FOXP4: variants seen among roughly 807,000 people sequenced by gnomAD.
FOXP4 encodes forkhead box protein P4.
FOXP4 carries 25 observed loss-of-function variants against 82.6 expected under a neutral mutation model. The observed-to-expected ratio is 0.30, with a 90% CI of 0.22 to 0.42. FOXP4 has a LOEUF of 0.42. Ranked by LOEUF, FOXP4 falls within the 10% of genes least tolerant of loss-of-function variation. FOXP4 has a pLI of 1.00. For missense variants in FOXP4, 785 were observed against 900.9 expected, an observed-to-expected ratio of 0.87 and a Z score of 1.65; for synonymous variants, 415 against 388.2, an observed-to-expected ratio of 1.07 and a Z score of -0.81.
Position 41,578,053 on chromosome 6 carries a change from A to G in FOXP4, c.272A>G (p.Asp91Gly). 6.2e-7 allele frequency: 1 copy of G among 1,613,642 alleles called. No individual in the cohort carries two copies. Among genetic ancestry groups the G allele is most frequent in the East Asian group, 2.2e-5 (1 of 44,862 alleles). Reference sequence around the variant, plus strand: ...GGCCTGAGCTCCCCAGGGAACAATGACAGCAAACAGTCTGCCTCTGCTGTG... The same window carrying G: ...GGCCTGAGCTCCCCAGGGAACAATGGCAGCAAACAGTCTGCCTCTGCTGTG... ...ASGLSSPGNN[D>G]SKQSASAVQV... Residue 91 changes from aspartate (D) to glycine (G), a missense_variant, in exon 3 of 17, where the codon GAC (aspartate) becomes GGC (glycine). Asp to Gly is a moderately conservative substitution (Grantham distance 94, BLOSUM62 -1). This residue lies in a region of FOXP4 where 570 missense variants were observed against 634.0 expected (regional missense o/e 0.90). Coordinates refer to ENST00000307972, the MANE Select transcript of FOXP4 (RefSeq NM_001012426.2).
Position 41,587,444 on chromosome 6 carries a change from C to G in FOXP4, c.804C>G (p.Val268=), listed in dbSNP as rs1485399481. The G allele has an allele frequency of 6.4e-7, 1 of 1,560,486 alleles. No homozygotes were observed. Among genetic ancestry groups the G allele is most frequent in the Middle Eastern group, 1.7e-4 (1 of 5,770 alleles). ...CCTCGTTTGCCGCTCCCCCCAAGGT[C>G]TCACCCCCCCTCTCCCACCATACCC... ...TATSFAAPPK[V]SPPLSHHTLP... Residue 268 remains valine, a synonymous_variant, in exon 7 of 17, where the codon GTC becomes GTG. Transcript: ENST00000307972.
At chr6:41,554,435 C>T (rs1355164029) in intron 1 of FOXP4, among the ~76,000 whole-genome samples, 1 of 152,230 alleles carries the variant, frequency 6.6e-6, no homozygotes, top group Non-Finnish European at 1.5e-5. Flanking sequence ...CTCCTCGTGC[C>T]CTCCTCACCT....
intron 6 of FOXP4, 26 bp from the exon 7 acceptor site, chr6:41,587,273 G>A: frequency 1.2e-6 from 2 of 1,610,428 alleles, no homozygotes; most frequent in South Asian, 1.1e-5. Context: ...GTGGGGCCCT[G>A]CCAGCCTCCC....
Position 41,593,821 on chromosome 6 carries a change from AGAGG to A in FOXP4, c.1537-1045_1537-1042del, listed in dbSNP as rs1467475248. Among the ~76,000 whole-genome samples the A allele has an allele frequency of 6.6e-6, 1 of 152,212 alleles. No individual in the cohort carries two copies. The highest frequency in any genetic ancestry group is 1.9e-4 in the East Asian group (1 of 5,192). On this transcript the variant is annotated intron_variant, in intron 13 of 16. Coordinates refer to ENST00000307972, the MANE Select transcript of FOXP4 (RefSeq NM_001012426.2). This position sits in a 1 kb window ranked among gnomAD's most constrained non-coding sequence, Gnocchi z 4.1. ...GCAAGTGGCAAGAGTTGGAAGGGAG[AGAGG>A]GAGAGGGATCTCCAGGGGCACGGGC...
intron 1 of FOXP4, among the ~76,000 whole-genome samples, chr6:41,553,844 C>T (rs1373571182): frequency 6.6e-6 from 1 of 152,202 alleles, no homozygotes; most frequent in Non-Finnish European, 1.5e-5. Context: ...GGGCAGAGGG[C>T]ATAGGTGTGT....
rs570195886 is a variant in FOXP4 at position 41,578,067 on chromosome 6, G to A, written c.286G>A (p.Ala96Thr). 41 of 1,613,468 alleles carry A rather than the reference G, an allele frequency of 2.5e-5. No homozygotes were observed. In the South Asian group the frequency reaches 4.1e-4, roughly 16 times the overall value. Residue 96 changes from alanine to threonine, a missense_variant, in exon 3 of 17, where the codon GCC (alanine) becomes ACC (threonine). Physicochemically the swap from Ala to Thr is moderately conservative, Grantham distance 58. Around this residue, in one of 3 missense-constraint regions of FOXP4, gnomAD observed 570 missense variants for 634.0 expected, o/e 0.90. Coordinates refer to ENST00000307972, the MANE Select transcript of FOXP4 (RefSeq NM_001012426.2). Reference sequence around the variant, plus strand: ...AGGGAACAATGACAGCAAACAGTCTGCCTCTGCTGTGCAGGTGAGGAAGAG... The same window carrying A: ...AGGGAACAATGACAGCAAACAGTCTACCTCTGCTGTGCAGGTGAGGAAGAG... ...SPGNNDSKQS[A>T]SAVQVPVSVA...
At chr6:41,587,576 C>G in intron 7 of FOXP4, 64 bp downstream of exon 7, 1 of 1,329,502 alleles carries the variant, frequency 7.5e-7, no homozygotes, top group Non-Finnish European at 1.0e-6. Flanking sequence ...GGCCCCCCAC[C>G]CATGAGGGCT....
In FOXP4 at chr6:41,591,216, C is replaced by T. The variant is rs372318649; in HGVS notation, c.1435-5C>T. On this transcript the variant is annotated splice_polypyrimidine_tract_variant and splice_region_variant and intron_variant, in intron 12 of 16. Transcript: ENST00000307972. The surrounding 1 kb of genome is among the most constrained non-coding windows in gnomAD (Gnocchi z 4.2). ...ACGGTCCCTTTGCTTGTTCCTTCCC[C>T]GCAGGCCATCCTGGAAACCCCTGAC... The T allele has an allele frequency of 1.2e-5, 19 of 1,604,520 alleles. No individual in the cohort carries two copies. The highest frequency in any genetic ancestry group is 1.5e-5 in the Non-Finnish European group (18 of 1,175,322).
intron 1 of FOXP4, among the ~76,000 whole-genome samples, chr6:41,549,734 G>T (rs1763890627): frequency 6.8e-6 from 1 of 146,726 alleles, no homozygotes; most frequent in African/African-American, 2.5e-5. Context: ...CACATGGTGG[G>T]GGGGAGGGTG....
At chr6:41,554,850 ACT>A (rs1184057943) in intron 1 of FOXP4, among the ~76,000 whole-genome samples, 2 of 150,250 alleles carry the variant, frequency 1.3e-5, no homozygotes, top group Non-Finnish European at 3.0e-5. Context: ...ACAGAATGAG[ACT>A]CTGCCTCCAA....
At chr6:41,596,265 C>T (rs1042218903) in intron 14 of FOXP4, among the ~76,000 whole-genome samples, 3 of 152,326 alleles carry the variant, frequency 2.0e-5, no homozygotes, top group Non-Finnish European at 2.9e-5. Flanking sequence ...TTGGCTTCCA[C>T]GTAGCAGCAG....
intron 14 of FOXP4, among the ~76,000 whole-genome samples, chr6:41,595,372 C>T (rs1236929945): frequency 6.6e-6 from 1 of 151,926 alleles, no homozygotes; most frequent in African/African-American, 2.4e-5. Flanking sequence ...TCTCTCAGCT[C>T]ATCAGGATGA....
intron 2 of FOXP4, among the ~76,000 whole-genome samples, chr6:41,577,320 C>T (rs986304124): frequency 1.3e-5 from 2 of 152,204 alleles, no homozygotes; most frequent in African/African-American, 2.4e-5. Flanking sequence ...GAAAGTCACA[C>T]GGTACTCAGA....
intron 3 of FOXP4, among the ~76,000 whole-genome samples, chr6:41,582,857 C>T (rs936999200): frequency 6.6e-6 from 1 of 152,170 alleles, no homozygotes; most frequent in Non-Finnish European, 1.5e-5. Flanking sequence ...CCTCCACATT[C>T]TCTCCCTAAC....
In FOXP4 at chr6:41,599,039, C is replaced by T; in HGVS notation, c.*103C>T. 1 of 1,429,586 alleles carries T rather than the reference C, an allele frequency of 7.0e-7. No individual in the cohort carries two copies. Among genetic ancestry groups the T allele is most frequent in the Non-Finnish European group, 9.2e-7 (1 of 1,081,994 alleles). 88.6% of individuals were successfully genotyped at this position (1,429,586 alleles called of 1,614,324 possible). On this transcript the variant is annotated 3_prime_UTR_variant, in exon 17 of 17. Coordinates refer to ENST00000307972, the MANE Select transcript of FOXP4 (RefSeq NM_001012426.2). ...GCCCCTCCCGAGCCTCAAGGCAAGT[C>T]CAGGACTCAGACCGGGGAGGCCCGG...
In FOXP4 at chr6:41,587,096, C is replaced by G. The variant is rs1373011877; in HGVS notation, c.598C>G (p.Gln200Glu). 2 of 1,609,512 alleles carry G rather than the reference C, an allele frequency of 1.2e-6. No individual in the cohort carries two copies. Among genetic ancestry groups the G allele is most frequent in the Non-Finnish European group, 1.7e-6 (2 of 1,177,450 alleles). Residue 200 changes from glutamine to glutamate, a missense_variant, in exon 6 of 17, where the codon CAG becomes GAG. Physicochemically the swap from Gln to Glu is conservative, Grantham distance 29. Coordinates refer to ENST00000307972, the MANE Select transcript of FOXP4 (RefSeq NM_001012426.2). ...QQQHLLNLQR[Q>E]GLVSLQPNQA... is the part of the protein sequence containing the mutation. ...GCAGCACCTGCTCAACCTGCAGAGGCAGGGGCTGGTCAGCCTGCAGCCCAA... is the reference window on the plus strand; with the variant it reads ...GCAGCACCTGCTCAACCTGCAGAGGGAGGGGCTGGTCAGCCTGCAGCCCAA...
In FOXP4 at chr6:41,587,296, C is replaced by A; in HGVS notation, c.659-3C>A. 1 of 1,612,536 alleles carries A rather than the reference C, an allele frequency of 6.2e-7. No individual in the cohort carries two copies. Among genetic ancestry groups the A allele is most frequent in the South Asian group, 1.1e-5 (1 of 91,078 alleles). ...CTGCCAGCCTCCCCTGTCTCTCCCA[C>A]AGCAGCTGTTTGCCCAACAGACCTG... On this transcript the variant is annotated splice_region_variant and splice_polypyrimidine_tract_variant and intron_variant, in intron 6 of 16. Coordinates refer to ENST00000307972, the MANE Select transcript of FOXP4 (RefSeq NM_001012426.2).
rs533466752 is a variant in FOXP4 at position 41,588,431 on chromosome 6, C to G, written c.978-213C>G. Among the ~76,000 whole-genome samples the G allele has an allele frequency of 3.3e-5, 5 of 152,362 alleles. No individual in the cohort carries two copies. The East Asian group carries it at 9.6e-4, about 29-fold the overall frequency. The stretch of plus-strand genomic sequence containing the variant: ...TTAGTTCATTTGCAATTAGATCTCT[C>G]TGTAGCTGGGATTTTAGCAAAGACA... On this transcript the variant is annotated intron_variant, in intron 8 of 16. Transcript: ENST00000307972.
chr6:41,568,890 G>A (rs1262645206), intron 2 of FOXP4, among the ~76,000 whole-genome samples: 1 of 152,192 alleles, frequency 6.6e-6, no homozygotes, highest in Non-Finnish European at 1.5e-5. Flanking sequence ...GAAGAGGGTG[G>A]CCACGTCACT....
Sources: gnomAD v4.1 joint callset for allele counts (sites outside exome capture counted in the v4.1 genomes callset) on GRCh38, gnomAD v4.1.1 for gene constraint, gnomAD v4.1.1 regional missense constraint, Gnocchi (gnomAD v3.1) non-coding constraint, MANE v1.5 for transcripts, NCBI Gene and HGNC (gene_info 2026-07-23, HGNC 2026-07-21) for gene names.